Variants in AFF3 observed in about 807,000 individuals in gnomAD.
AFF3 encodes the protein AF4/FMR2 family member 3.
In AFF3, 32 loss-of-function variants were observed where a neutral mutation model predicts 129.7. That is an observed-to-expected ratio of 0.25 (90% CI 0.19 to 0.33). The LOEUF (loss-of-function observed/expected upper bound fraction) is 0.33. Among genes scored for constraint, AFF3 ranks in the 10% least tolerant of loss-of-function variants. The pLI is 1.00. For synonymous variants in AFF3, 644 were observed against 635.4 expected (o/e 1.01, Z -0.20); for missense variants, 1,373 against 1,592.0 (o/e 0.86, Z 2.34).
At chr2:99,623,818 A>C (rs965201107) in intron 13 of AFF3, among the ~76,000 whole-genome samples, 4 of 152,216 alleles carry the variant, frequency 2.6e-5, no homozygotes, top group Non-Finnish European at 5.9e-5. Flanking sequence ...GTTACTGTGT[A>C]GGGTGGAACA....
chr2:99,783,183 CT>C (rs1340035596), intron 8 of AFF3, among the ~76,000 whole-genome samples: 2 of 152,280 alleles, frequency 1.3e-5, no homozygotes, highest in East Asian at 3.9e-4. Flanking sequence ...GGTAATAAAG[CT>C]TTTGCTCTAT....
intron 7 of AFF3, among the ~76,000 whole-genome samples, chr2:99,871,574 G>A (rs1272438722): frequency 6.7e-6 from 1 of 148,762 alleles, no homozygotes. Flanking sequence ...ACAACTAATC[G>A]AAGGCCGTAT....
intron 7 of AFF3, among the ~76,000 whole-genome samples, chr2:99,891,473 A>T (rs1431547267): frequency 6.6e-6 from 1 of 152,202 alleles, no homozygotes; most frequent in Admixed American, 6.5e-5. Context: ...CAGGCAGGTG[A>T]GCATCACAGC....
intron 13 of AFF3, among the ~76,000 whole-genome samples, chr2:99,646,737 T>C (rs1227304608): frequency 6.6e-6 from 1 of 152,162 alleles, no homozygotes; most frequent in African/African-American, 2.4e-5. Context: ...TTCTAGAAAA[T>C]ATTGGTTTAT....
intron 7 of AFF3, among the ~76,000 whole-genome samples, chr2:99,871,485 T>A (rs1691860846): frequency 6.6e-6 from 1 of 151,824 alleles, no homozygotes; most frequent in Admixed American, 6.6e-5. Context: ...CCAGATAAGG[T>A]GATAAAATTA....
At chr2:99,564,325 C>T (rs1290427852) in intron 20 of AFF3, among the ~76,000 whole-genome samples, 1 of 152,070 alleles carries the variant, frequency 6.6e-6, no homozygotes, top group East Asian at 1.9e-4. Flanking sequence ...ACATCTCAGG[C>T]TGGGCCTTGT....
In AFF3 at chr2:100,070,237, T is replaced by C. The variant is rs185677385; in HGVS notation, c.53+34165A>G. 1.9e-3 allele frequency among the ~76,000 whole-genome samples: 289 copies of C among 152,216 alleles called. 1 individual carries two copies. The highest frequency in any genetic ancestry group is 2.5e-3 in the Non-Finnish European group (169 of 68,012). On this transcript the variant is annotated intron_variant, in intron 4 of 24. Transcript: ENST00000672756. The stretch of plus-strand genomic sequence containing the variant: ...AAAAAAAAAAACTGTAAAACGTGGT[T>C]GCGTAAGCACATCTAAAGGTTAAAC...
chr2:99,696,964 C>CTA (rs1293689206), intron 11 of AFF3, among the ~76,000 whole-genome samples: 1 of 152,182 alleles, frequency 6.6e-6, no homozygotes, highest in African/African-American at 2.4e-5. Flanking sequence ...TTCTTGATGG[C>CTA]TATAGGCAGG....
At chr2:100,060,467 TCCA>T (rs566430029) in intron 4 of AFF3, among the ~76,000 whole-genome samples, 146 of 152,330 alleles carry the variant, frequency 9.6e-4, no homozygotes, top group African/African-American at 3.4e-3. Flanking sequence ...GGCTACCTTT[TCCA>T]CCACAATTTC....
At chr2:99,831,606 C>CGA (rs1358386037) in intron 8 of AFF3, among the ~76,000 whole-genome samples, 2 of 87,668 alleles carry the variant, frequency 2.3e-5, no homozygotes, top group African/African-American at 6.1e-5. Flanking sequence ...ACACTGCAAT[C>CGA]GAAAACCTCA....
chr2:99,659,853 C>T (rs1045627787), intron 12 of AFF3, among the ~76,000 whole-genome samples: 12 of 152,166 alleles, frequency 7.9e-5, no homozygotes, highest in African/African-American at 1.2e-4. Flanking sequence ...GCGCAGAAAC[C>T]GCTGCTTCGT....
intron 8 of AFF3, among the ~76,000 whole-genome samples, chr2:99,820,889 T>G (rs1432957364): frequency 7.2e-6 from 1 of 139,670 alleles, no homozygotes; most frequent in Non-Finnish European, 1.6e-5. Context: ...TTTTTTTTTT[T>G]TTGGATAGAG....
At chr2:99,793,714 C>A (rs1300639389) in intron 8 of AFF3, among the ~76,000 whole-genome samples, 4 of 152,070 alleles carry the variant, frequency 2.6e-5, no homozygotes, top group Admixed American at 1.3e-4. Flanking sequence ...TTGATCTTTT[C>A]AAAGGAGCAG....
At chr2:100,050,734 C>A (rs1423432570) in intron 4 of AFF3, among the ~76,000 whole-genome samples, 1 of 152,206 alleles carries the variant, frequency 6.6e-6, no homozygotes, top group Non-Finnish European at 1.5e-5. Flanking sequence ...CCCTAAAGGG[C>A]AGATCATTAC....
chr2:99,932,631 C>T (rs1010299338), intron 7 of AFF3, among the ~76,000 whole-genome samples: 5 of 152,176 alleles, frequency 3.3e-5, no homozygotes, highest in African/African-American at 4.8e-5. Flanking sequence ...GCCCCTTACA[C>T]ACTCCATTGC....
intron 4 of AFF3, among the ~76,000 whole-genome samples, chr2:100,029,175 A>G (rs1684284819): frequency 3.3e-5 from 5 of 152,216 alleles, no homozygotes; most frequent in African/African-American, 1.2e-4. Flanking sequence ...AACCTCCAGT[A>G]TCTACTGTAT....
intron 7 of AFF3, among the ~76,000 whole-genome samples, chr2:99,947,738 A>T (rs115184598): frequency 0.013 from 1,948 of 152,180 alleles, 53 homozygotes; most frequent in African/African-American, 0.045. Context: ...GCATCTGACC[A>T]GGGAGATCAG....
chr2:99,547,416 T>A lies in AFF3; in HGVS notation c.*4058A>T, dbSNP rs940513711. ...GCATTAAGGCTGGTGACTGCTAAAG[T>A]CTCTTGGGAATCTACAAATAGGAAA... On this transcript the variant is annotated 3_prime_UTR_variant, in exon 25 of 25. Transcript: ENST00000672756. The A allele has an allele frequency of 4.6e-6, 1 of 217,284 alleles. No individual in the cohort carries two copies. Among genetic ancestry groups the A allele is most frequent in the Non-Finnish European group, 9.3e-6 (1 of 107,986 alleles). The allele number at this position is 217,284 out of a possible 1,614,324, so 13.5% of individuals were successfully genotyped here.
chr2:99,850,292 C>T (rs539183306), intron 7 of AFF3, among the ~76,000 whole-genome samples: 7 of 152,290 alleles, frequency 4.6e-5, no homozygotes, highest in South Asian at 2.1e-4. Flanking sequence ...TTACCTTTGT[C>T]GCTAAGCTGA....
Sources: gnomAD v4.1 joint callset for allele counts (sites outside exome capture counted in the v4.1 genomes callset) on GRCh38, gnomAD v4.1.1 for gene constraint, MANE v1.5 for transcripts, NCBI Gene and HGNC (gene_info 2026-07-23, HGNC 2026-07-21) for gene names.